TRAF3IP3: variants seen among roughly 807,000 people sequenced by gnomAD.
The protein encoded by TRAF3IP3 is TRAF3-interacting JNK-activating modulator.
TRAF3IP3 carries 64 observed loss-of-function variants against 86.5 expected under a neutral mutation model. That is an observed-to-expected ratio of 0.74 (90% CI 0.60 to 0.91). TRAF3IP3 has a LOEUF of 0.91. Ranked by LOEUF, TRAF3IP3 falls within the 40% of genes least tolerant of loss-of-function variation. TRAF3IP3 has a pLI of 0.00. For synonymous variants in TRAF3IP3, 220 were observed against 243.9 expected, an observed-to-expected ratio of 0.90 and a Z score of 0.91; for missense variants, 579 against 642.9, an observed-to-expected ratio of 0.90 and a Z score of 1.07.
intron 13 of TRAF3IP3, 39 bp from the exon 14 acceptor site, chr1:209,779,276 A>C (rs1184263722): frequency 2.8e-5 from 44 of 1,586,446 alleles, no homozygotes; most frequent in Non-Finnish European, 3.5e-5. Context: ...TTTGTAGTAA[A>C]TATGCTAGCA....
At chr1:209,770,243 T>G (rs1571935018) in intron 8 of TRAF3IP3, among the ~76,000 whole-genome samples, 1 of 152,254 alleles carries the variant, frequency 6.6e-6, no homozygotes, top group African/African-American at 2.4e-5. Context: ...CTTTAATATC[T>G]CTCCGTTTCT....
intron 8 of TRAF3IP3, among the ~76,000 whole-genome samples, chr1:209,764,007 G>A (rs1030995575): frequency 2.0e-5 from 3 of 152,196 alleles, no homozygotes; most frequent in Non-Finnish European, 4.4e-5. Flanking sequence ...AGTGGGAAGG[G>A]ACCTTAGAGA....
chr1:209,770,840 AGTGT>A lies in TRAF3IP3; in HGVS notation c.703-2100_703-2097del, dbSNP rs370117399. 3.8e-3 allele frequency among the ~76,000 whole-genome samples: 379 copies of A among 99,462 alleles called. 6 individuals are homozygous for A. The highest frequency in any genetic ancestry group is 5.2e-3 in the Admixed American group (48 of 9,296). The allele number at this position is 99,462 out of a possible 152,430, so 65.3% of individuals were successfully genotyped here. The stretch of plus-strand genomic sequence containing the variant: ...AGGTGGAGGTGTGTGTCTATATAGA[AGTGT>A]GTGTGTGCATGTGAAAGTGTGTGTG... On this transcript the variant is annotated intron_variant, in intron 8 of 16. Coordinates refer to ENST00000367025, the MANE Select transcript of TRAF3IP3 (RefSeq NM_025228.4).
chr1:209,779,631 T>G, intron 14 of TRAF3IP3: 1 of 609,158 alleles, frequency 1.6e-6, no homozygotes, highest in Non-Finnish European at 2.9e-6. Context: ...TGTTGAACAT[T>G]TCAATAAATT....
rs2077217087 is a variant in TRAF3IP3 at position 209,759,988 on chromosome 1, G to T, written c.-52G>T. Reference sequence around the variant, plus strand: ...CCCTCTTGGCATTTGGCAGATCCAGGCATCTATTCCAGGAACTGGAAGCCA... The same window carrying T: ...CCCTCTTGGCATTTGGCAGATCCAGTCATCTATTCCAGGAACTGGAAGCCA... On this transcript the variant is annotated 5_prime_UTR_variant, in exon 3 of 17. Coordinates refer to ENST00000367025, the MANE Select transcript of TRAF3IP3 (RefSeq NM_025228.4). The T allele has an allele frequency of 6.7e-7, 1 of 1,481,996 alleles. No individual in the cohort carries two copies. Among genetic ancestry groups the T allele is most frequent in the South Asian group, 1.2e-5 (1 of 85,838 alleles). The allele number at this position is 1,481,996 out of a possible 1,614,324, so 91.8% of individuals were successfully genotyped here.
chr1:209,782,066 G>A lies in TRAF3IP3; in HGVS notation c.1574G>A (p.Gly525Glu), dbSNP rs546229553. The A allele has an allele frequency of 6.2e-7, 1 of 1,613,980 alleles. No homozygotes were observed. Among genetic ancestry groups the A allele is most frequent in the East Asian group, 2.2e-5 (1 of 44,886 alleles). The change falls in exon 17 of 17, where the codon GGG becomes GAG. Residue 525 changes from glycine (G) to glutamate (E), a missense_variant. Gly to Glu is a moderately conservative substitution (Grantham distance 98). Coordinates refer to ENST00000367025, the MANE Select transcript of TRAF3IP3 (RefSeq NM_025228.4). ...CCTGTCCCCCTACAGAGGCAATGTG[G>A]GCGATGGCTCCCAGTGCTGATGGTG... The part of the protein sequence containing the change: ...SQQLPPRRQC[G>E]RWLPVLMVVI...
chr1:209,763,528 A>T lies in TRAF3IP3; in HGVS notation c.643A>T (p.Met215Leu), dbSNP rs748627619. The T allele has an allele frequency of 6.2e-7, 1 of 1,614,076 alleles. No homozygotes were observed. The highest frequency in any genetic ancestry group is 8.5e-7 in the Non-Finnish European group (1 of 1,180,048). ...LQRELVLKQK[M>L]VILQDLLSTL... ...AAGGGAGCTGGTCCTAAAACAGAAAATGGTGATTCTCCAAGACCTACTGTC... is the reference window on the plus strand; with the variant it reads ...AAGGGAGCTGGTCCTAAAACAGAAATTGGTGATTCTCCAAGACCTACTGTC... Residue 215 changes from methionine to leucine, a missense_variant, in exon 8 of 17, where the codon ATG (methionine) becomes TTG (leucine). Met to Leu is a conservative substitution (Grantham distance 15). Coordinates refer to ENST00000367025, the MANE Select transcript of TRAF3IP3 (RefSeq NM_025228.4).
chr1:209,763,228 G>A, intron 6 of TRAF3IP3, 135 bp from the exon 7 acceptor site: 1 of 1,351,096 alleles, frequency 7.4e-7, no homozygotes, highest in Non-Finnish European at 1.1e-6. Context: ...GCATAGACAT[G>A]GGGACTAAAG....
chr1:209,759,650 G>C (rs2077210647), intron 2 of TRAF3IP3, among the ~76,000 whole-genome samples: 1 of 152,182 alleles, frequency 6.6e-6, no homozygotes, highest in African/African-American at 2.4e-5. Flanking sequence ...AGCTCATTAT[G>C]ATTTTAATCA....
At chr1:209,758,163 T>C (rs1189166793) in intron 1 of TRAF3IP3, among the ~76,000 whole-genome samples, 1 of 152,218 alleles carries the variant, frequency 6.6e-6, no homozygotes, top group Admixed American at 6.5e-5. Context: ...TCTCAGACCC[T>C]TTCTTTTAAG....
In TRAF3IP3 at chr1:209,777,462, C is replaced by T; in HGVS notation, c.1164C>T (p.Cys388=). ...GCCTGCAAGGGGACAGAGACCTGTGCAGCTTGGATACCCAGGACCTACAAG... is the reference window on the plus strand; with the variant it reads ...GCCTGCAAGGGGACAGAGACCTGTGTAGCTTGGATACCCAGGACCTACAAG... ...IECLQGDRDL[C]SLDTQDLQDQ... is the part of the protein sequence containing the mutation. The change falls in exon 12 of 17, where the codon TGC becomes TGT. Residue 388 remains cysteine, a synonymous_variant. Transcript: ENST00000367025. The T allele has an allele frequency of 1.9e-6, 3 of 1,613,878 alleles. No homozygotes were observed. The highest frequency in any genetic ancestry group is 2.5e-6 in the Non-Finnish European group (3 of 1,179,876).
chr1:209,775,913 GT>G, intron 11 of TRAF3IP3, 177 bp downstream of exon 11: 1 of 595,912 alleles, frequency 1.7e-6, no homozygotes, highest in Non-Finnish European at 2.9e-6. Context: ...CTAATTTTGA[GT>G]TTAGCAAGGA....
chr1:209,762,751 C>G, intron 4 of TRAF3IP3, 62 bp from the exon 5 acceptor site: 1 of 1,120,608 alleles, frequency 8.9e-7, no homozygotes. Context: ...AGTCCCTGTC[C>G]CTCCCCACTT....
chr1:209,781,135 A>G lies in TRAF3IP3; in HGVS notation c.1450-210A>G, dbSNP rs1408597420. 1.4e-5 allele frequency: 5 copies of G among 369,782 alleles called. 1 individual carries two copies. The highest frequency in any genetic ancestry group is 4.1e-5 in the African/African-American group (2 of 48,320). The allele number at this position is 369,782 out of a possible 1,614,324, so 22.9% of individuals were successfully genotyped here. ...ACTTAAATGTATAAAATGTAATACT[A>G]TAATATGCATTACTGTCAATCATTT... On this transcript the variant is annotated intron_variant, in intron 15 of 16. Transcript: ENST00000367025.
intron 8 of TRAF3IP3, among the ~76,000 whole-genome samples, chr1:209,769,091 G>A (rs543968179): frequency 1.8e-4 from 27 of 152,330 alleles, no homozygotes; most frequent in Admixed American, 5.2e-4. Context: ...GGGGAGAGAG[G>A]AGGTACCCCA....
At chr1:209,771,500 A>T in intron 8 of TRAF3IP3, among the ~76,000 whole-genome samples, 1 of 75,704 alleles carries the variant, frequency 1.3e-5, no homozygotes, top group South Asian at 4.1e-4. Flanking sequence ...TGTGCATGTG[A>T]AGGTGTGTGT....
chr1:209,763,006 C>G, intron 5 of TRAF3IP3, 62 bp from the exon 6 acceptor site: 2 of 1,596,760 alleles, frequency 1.3e-6, no homozygotes, highest in Non-Finnish European at 1.7e-6. Flanking sequence ...GGAATCAACC[C>G]ACTGCCTCCT....
At chr1:209,777,536 G>C (rs375861986) in intron 12 of TRAF3IP3, 49 bp downstream of exon 12, 1 of 1,500,698 alleles carries the variant, frequency 6.7e-7, no homozygotes, top group Non-Finnish European at 8.9e-7. Context: ...ATGGCCAAGT[G>C]AGCTAAGAAA....
Position 209,759,015 on chromosome 1 carries a change from GTTTC to G in TRAF3IP3, c.-159-15_-159-12del, listed in dbSNP as rs2077200888. On this transcript the variant is annotated splice_polypyrimidine_tract_variant and intron_variant, in intron 1 of 16. Transcript: ENST00000367025. Reference sequence around the variant, plus strand: ...AACTTCTGATTACTGTCTTTGTTTTGTTTCTTTTCTGTTTGCAGCAGCCTTATTG... The same window carrying G: ...AACTTCTGATTACTGTCTTTGTTTTGTTTTCTGTTTGCAGCAGCCTTATTG... 1 of 152,298 alleles carries G rather than the reference GTTTC, an allele frequency of 6.6e-6. No individual in the cohort carries two copies. The highest frequency in any genetic ancestry group is 2.4e-5 in the African/African-American group (1 of 41,444). The allele number at this position is 152,298 out of a possible 1,614,324, so 9.4% of individuals were successfully genotyped here.
Sources: gnomAD v4.1 joint callset for allele counts (sites outside exome capture counted in the v4.1 genomes callset) on GRCh38, gnomAD v4.1.1 for gene constraint, MANE v1.5 for transcripts, NCBI Gene and HGNC (gene_info 2026-07-23, HGNC 2026-07-21) for gene names.